AKAP6: variants seen among roughly 807,000 people sequenced by gnomAD.
AKAP6 encodes A-kinase anchor protein 6.
A neutral mutation model predicts 188.5 loss-of-function variants in AKAP6; 58 were observed. That is an observed-to-expected ratio of 0.31 (90% CI 0.25 to 0.38). The LOEUF is 0.38. Among genes scored for constraint, AKAP6 ranks in the 10% least tolerant of loss-of-function variants. AKAP6 has a pLI of 1.00. For synonymous variants in AKAP6, 989 were observed against 998.6 expected (o/e 0.99, Z 0.18); for missense variants, 2,710 against 2,740.0 (o/e 0.99, Z 0.24).
intron 1 of AKAP6, among the ~76,000 whole-genome samples, chr14:32,407,951 T>G (rs1889352121): frequency 6.6e-6 from 1 of 152,234 alleles, no homozygotes. Context: ...CTTGCTGAAC[T>G]GCAGATGGTG....
intron 7 of AKAP6, among the ~76,000 whole-genome samples, chr14:32,618,758 T>C (rs963597729): frequency 2.4e-4 from 37 of 152,248 alleles, no homozygotes; most frequent in African/African-American, 8.7e-4. Flanking sequence ...TTTAGTTCTC[T>C]GAGAAATCTC....
At chr14:32,460,979 A>G (rs1376217409) in intron 2 of AKAP6, among the ~76,000 whole-genome samples, 1 of 152,222 alleles carries the variant, frequency 6.6e-6, no homozygotes, top group East Asian at 1.9e-4. Context: ...AACTCACCAC[A>G]GTGCAGCAAA....
intron 7 of AKAP6, among the ~76,000 whole-genome samples, chr14:32,607,101 C>T (rs929340057): frequency 2.0e-5 from 3 of 152,102 alleles, no homozygotes; most frequent in Non-Finnish European, 4.4e-5. Context: ...ATAAAGGAGT[C>T]GATCTGGGGA....
intron 13 of AKAP6, among the ~76,000 whole-genome samples, chr14:32,828,182 T>C (rs964180936): frequency 6.6e-6 from 1 of 152,214 alleles, no homozygotes; most frequent in Non-Finnish European, 1.5e-5. Context: ...ATGCTGCTGC[T>C]CAGATTTTAC....
chr14:32,613,607 C>T (rs1270850006), intron 7 of AKAP6, among the ~76,000 whole-genome samples: 1 of 152,130 alleles, frequency 6.6e-6, no homozygotes, highest in East Asian at 1.9e-4. Context: ...GATTCTGATG[C>T]TAAGCGGGCT....
intron 2 of AKAP6, among the ~76,000 whole-genome samples, chr14:32,520,840 T>C (rs2139058093): frequency 6.6e-6 from 1 of 152,294 alleles, no homozygotes; most frequent in South Asian, 2.1e-4. Context: ...CCTAACTCAT[T>C]TTATGAGACT....
intron 1 of AKAP6, chr14:32,403,187 G>A (rs1889157553): frequency 6.6e-6 from 1 of 152,092 alleles, no homozygotes; most frequent in African/African-American, 2.4e-5. Context: ...CTTGGGAGAG[G>A]GACCATAGCT....
At chr14:32,593,653 C>T (rs1192925667) in intron 5 of AKAP6, among the ~76,000 whole-genome samples, 1 of 152,128 alleles carries the variant, frequency 6.6e-6, no homozygotes, top group Non-Finnish European at 1.5e-5. Context: ...TGCTTAACTG[C>T]CTGGCTTAGA....
intron 9 of AKAP6, among the ~76,000 whole-genome samples, chr14:32,725,010 A>AAAAAAAAAAAC (rs2030787728): frequency 6.7e-6 from 1 of 150,006 alleles, no homozygotes; most frequent in Non-Finnish European, 1.5e-5. Context: ...AAAAAAAAAA[A>AAAAAAAAAAAC]AAAAAAACAA....
At chr14:32,488,623 G>C (rs868640692) in intron 2 of AKAP6, among the ~76,000 whole-genome samples, 1 of 152,056 alleles carries the variant, frequency 6.6e-6, no homozygotes, top group South Asian at 2.1e-4. Flanking sequence ...TCAAATGGCC[G>C]CCCAGTTTTC....
At chr14:32,699,756 C>T (rs1362500234) in intron 9 of AKAP6, among the ~76,000 whole-genome samples, 1 of 152,152 alleles carries the variant, frequency 6.6e-6, no homozygotes, top group Non-Finnish European at 1.5e-5. Context: ...TTTTCTTCCT[C>T]AACCTGAGAA....
chr14:32,711,013 C>T (rs769947473), intron 9 of AKAP6, among the ~76,000 whole-genome samples: 1 of 152,054 alleles, frequency 6.6e-6, no homozygotes, highest in Non-Finnish European at 1.5e-5. Context: ...AAACTATTTA[C>T]TATCTGCCTC....
At chr14:32,723,420 G>A (rs1278885489) in intron 9 of AKAP6, among the ~76,000 whole-genome samples, 1 of 152,118 alleles carries the variant, frequency 6.6e-6, no homozygotes, top group Non-Finnish European at 1.5e-5. Context: ...ATTATCATCT[G>A]AAATAGATAT....
chr14:32,539,883 C>T (rs1882843405), intron 3 of AKAP6, among the ~76,000 whole-genome samples: 1 of 152,018 alleles, frequency 6.6e-6, no homozygotes, highest in African/African-American at 2.4e-5. Context: ...TGTAGACTAA[C>T]ATGTAAATTG....
intron 1 of AKAP6, among the ~76,000 whole-genome samples, chr14:32,349,765 A>G (rs1479119248): frequency 6.6e-6 from 1 of 152,194 alleles, no homozygotes. Context: ...TACACCATTC[A>G]TCAATAAAAG....
At chr14:32,391,416 C>A (rs1434132001) in intron 1 of AKAP6, among the ~76,000 whole-genome samples, 1 of 152,170 alleles carries the variant, frequency 6.6e-6, no homozygotes, top group Non-Finnish European at 1.5e-5. Flanking sequence ...AAGTTCATAT[C>A]CTTTTTGGCT....
intron 9 of AKAP6, among the ~76,000 whole-genome samples, chr14:32,703,949 T>A (rs918340958): frequency 6.6e-6 from 1 of 152,204 alleles, no homozygotes; most frequent in Non-Finnish European, 1.5e-5. Flanking sequence ...CATTTCTTGT[T>A]AGCCTAGAGA....
chr14:32,822,584 CA>C lies in AKAP6; in HGVS notation c.4772del (p.Gln1591ArgfsTer6). The stretch of plus-strand genomic sequence containing the variant: ...CTTTAAAAATGGCAGTGACAGCCTC[CA>C]GCGAAGCACTTCTTTAGAAAGTTGG... ...GIFKNGSDSL[Q>X]RSTSLESWLT... is the part of the protein sequence containing the mutation. On this transcript the variant is annotated frameshift_variant, in exon 13 of 14. Transcript: ENST00000280979. LOFTEE classifies it high-confidence loss of function. The C allele has an allele frequency of 6.2e-7, 1 of 1,613,926 alleles. No homozygotes were observed. The highest frequency in any genetic ancestry group is 8.5e-7 in the Non-Finnish European group (1 of 1,179,936).
At chr14:32,454,638 TCCC>T (rs1891059815) in intron 2 of AKAP6, among the ~76,000 whole-genome samples, 1 of 140,782 alleles carries the variant, frequency 7.1e-6, no homozygotes, top group Admixed American at 7.0e-5. Flanking sequence ...CTTCCTTCCC[TCCC>T]TCCCTCCTTC....
Sources: allele counts gnomAD v4.1 joint callset (sites outside exome capture counted in the v4.1 genomes callset), GRCh38; gene constraint gnomAD v4.1.1; transcripts MANE v1.5; gene names NCBI Gene and HGNC (gene_info 2026-07-23, HGNC 2026-07-21).